The following DICER1 variants were observed in gnomAD, a reference collection of about 807,000 sequenced individuals.
DICER1 encodes the protein endoribonuclease Dicer.
DICER1 carries 43 observed loss-of-function variants against 194.1 expected under a neutral mutation model. That is an observed-to-expected ratio of 0.22 (90% CI 0.17 to 0.29). The LOEUF (loss-of-function observed/expected upper bound fraction) is 0.29. Among genes scored for constraint, DICER1 ranks in the 10% least tolerant of loss-of-function variants. The pLI is 1.00. For synonymous variants in DICER1, 832 were observed against 820.5 expected, an observed-to-expected ratio of 1.01 and a Z score of -0.24; for missense variants, 1,608 against 2,317.0, an observed-to-expected ratio of 0.69 and a Z score of 6.28.
intron 3 of DICER1, among the ~76,000 whole-genome samples, chr14:95,131,852 C>A (rs1595464025): frequency 6.6e-6 from 1 of 152,156 alleles, no homozygotes; most frequent in Non-Finnish European, 1.5e-5. Flanking sequence ...TTGTCACTCG[C>A]TTCAGAGAAC....
At chr14:95,096,833 G>C in intron 22 of DICER1, 120 bp from the exon 23 acceptor site, 2 of 1,189,162 alleles carry the variant, frequency 1.7e-6, no homozygotes, top group Non-Finnish European at 2.3e-6. Context: ...ATACTAAAAG[G>C]CAACTTTAAA....
chr14:95,114,445 A>G (rs1430422515), intron 11 of DICER1, among the ~76,000 whole-genome samples: 1 of 152,252 alleles, frequency 6.6e-6, no homozygotes, highest in African/African-American at 2.4e-5. Context: ...AAATGATAAT[A>G]TAAGAATGAA....
intron 1 of DICER1, among the ~76,000 whole-genome samples, chr14:95,146,768 AC>A (rs1430194558): frequency 6.6e-6 from 1 of 152,228 alleles, no homozygotes; most frequent in Non-Finnish European, 1.5e-5. Context: ...CACGGGGGTC[AC>A]CAGCCAAAGG....
chr14:95,131,137 C>G (rs1439497638), intron 4 of DICER1, among the ~76,000 whole-genome samples: 1 of 152,122 alleles, frequency 6.6e-6, no homozygotes, highest in Non-Finnish European at 1.5e-5. Flanking sequence ...TCAAGCAATT[C>G]TCCTGTCTCA....
At chr14:95,148,312 T>C (rs1461008217) in intron 1 of DICER1, among the ~76,000 whole-genome samples, 1 of 152,150 alleles carries the variant, frequency 6.6e-6, no homozygotes, top group African/African-American at 2.4e-5. Context: ...AATCATGCCT[T>C]AGTCTTCCCA....
Position 95,091,094 on chromosome 14 carries a change from T to C in DICER1, c.5543A>G (p.Asn1848Ser), listed in dbSNP as rs1889765764. Residue 1848 changes from asparagine to serine, a missense_variant, in exon 26 of 27, where the codon AAT becomes AGT. Physicochemically the swap from Asn to Ser is conservative, Grantham distance 46 (BLOSUM62 1). This residue lies in a region of DICER1 where 138 missense variants were observed against 298.3 expected (regional missense o/e 0.46). Coordinates refer to ENST00000343455, the MANE Select transcript of DICER1 (RefSeq NM_177438.3). ...MRPLIEKFSANVPRSPVRELL... is the reference protein window; with the variant it reads ...MRPLIEKFSASVPRSPVRELL... ...TTCTCGCACAGGGGAACGGGGTACA[T>C]TTGCAGAAAACTTTTCTGCAATCAA... The C allele has an allele frequency of 4.3e-6, 7 of 1,614,166 alleles. No individual in the cohort carries two copies. The highest frequency in any genetic ancestry group is 5.9e-6 in the Non-Finnish European group (7 of 1,180,014).
chr14:95,131,330 T>A (rs942471033), intron 4 of DICER1, among the ~76,000 whole-genome samples, 179 bp downstream of exon 4: 1 of 152,180 alleles, frequency 6.6e-6, no homozygotes, highest in African/African-American at 2.4e-5. Context: ...CGGCCTTTAT[T>A]TGGTTTTAAG....
rs540239286 is a variant in DICER1 at position 95,118,270 on chromosome 14, T to A, written c.1377-516A>T. Reference sequence around the variant, plus strand: ...GTGAGCCCAACACCAAAGGAAACCTTCACCCCCAACAAATGTAACAAGAGT... The same window carrying A: ...GTGAGCCCAACACCAAAGGAAACCTACACCCCCAACAAATGTAACAAGAGT... On this transcript the variant is annotated intron_variant, in intron 8 of 26. Coordinates refer to ENST00000343455, the MANE Select transcript of DICER1 (RefSeq NM_177438.3). Among the ~76,000 whole-genome samples the A allele has an allele frequency of 5.9e-5, 9 of 152,300 alleles. No individual in the cohort carries two copies. The South Asian group carries it at 1.9e-3, about 32-fold the overall frequency.
At chr14:95,092,139 T>C (rs922705615) in intron 24 of DICER1, among the ~76,000 whole-genome samples, 3 of 152,332 alleles carry the variant, frequency 2.0e-5, no homozygotes, top group East Asian at 1.9e-4. Flanking sequence ...CAGCCACGTG[T>C]TGACTAGCGT....
rs1450519507 is a variant in DICER1, at chr14:95,091,222, G to A, written c.5508C>T (p.Pro1836=). 6.2e-7 allele frequency: 1 copy of A among 1,614,056 alleles called. No homozygotes were observed. Among genetic ancestry groups the A allele is most frequent in the Admixed American group, 1.7e-5 (1 of 59,998 alleles). Residue 1836 remains proline, a synonymous_variant, in exon 25 of 27, where the codon CCC becomes CCT. Transcript: ENST00000343455. ...CAATACCTATTAGTGGCCGCATCAT[G>A]GGATAGTACACCTGCCAGACTGTCT... ...SLETVWQVYY[P]MMRPLIEKFS...
chr14:95,136,485 C>T (rs1404504794), intron 1 of DICER1: 1 of 152,182 alleles, frequency 6.6e-6, no homozygotes, highest in Non-Finnish European at 1.5e-5. Flanking sequence ...GCTGGGACCA[C>T]AGGTGTGCAT....
At chr14:95,137,921 C>G (rs1455764535) in intron 1 of DICER1, 1 of 154,652 alleles carries the variant, frequency 6.5e-6, no homozygotes, top group East Asian at 1.9e-4. Flanking sequence ...AGATCGTTTC[C>G]CTGGCCTGCC....
chr14:95,131,512 G>C lies in DICER1; in HGVS notation c.435C>G (p.His145Gln), dbSNP rs1473045432. 2.5e-6 allele frequency: 4 copies of C among 1,613,432 alleles called. No individual in the cohort carries two copies. Among genetic ancestry groups the C allele is most frequent in the Non-Finnish European group, 2.5e-6 (3 of 1,179,450 alleles). Residue 145 changes from histidine to glutamine, a missense_variant, in exon 4 of 27, where the codon CAC (histidine) becomes CAG (glutamine). Physicochemically the swap from His to Gln is conservative, Grantham distance 24. Around this residue, in one of 10 missense-constraint regions of DICER1, gnomAD observed 657 missense variants for 910.1 expected, o/e 0.72. Transcript: ENST00000343455. ...KERWNQEFTKHQVLIMTCYVA... is the reference protein window; with the variant it reads ...KERWNQEFTKQQVLIMTCYVA... ...GAAATTTCTCTACAAGTCTTACCTG[G>C]TGCTTAGTAAACTCTTGGTTCCATC...
intron 21 of DICER1, among the ~76,000 whole-genome samples, chr14:95,101,861 T>C (rs1398654591): frequency 2.0e-5 from 3 of 152,156 alleles, no homozygotes; most frequent in Admixed American, 6.5e-5. Context: ...TGGGAAATGC[T>C]TGGTGTGCTG....
At chr14:95,149,973 AATG>A (rs1895406658) in intron 1 of DICER1, among the ~76,000 whole-genome samples, 1 of 152,224 alleles carries the variant, frequency 6.6e-6, no homozygotes, top group Non-Finnish European at 1.5e-5. Flanking sequence ...CAGTTAGTGC[AATG>A]ATAATTTTGG....
intron 1 of DICER1, among the ~76,000 whole-genome samples, chr14:95,142,464 T>G (rs544228013): frequency 1.3e-5 from 2 of 152,324 alleles, no homozygotes; most frequent in East Asian, 3.9e-4. Context: ...CCTCTAGAGA[T>G]GATTTCCAAT....
At chr14:95,106,319 G>T in intron 17 of DICER1, 96 bp from the exon 18 acceptor site, 1 of 907,492 alleles carries the variant, frequency 1.1e-6, no homozygotes, top group Non-Finnish European at 1.7e-6. Flanking sequence ...TGATGATTAA[G>T]AATTCAAAAG....
At chr14:95,123,933 A>C (rs1369086863) in intron 8 of DICER1, among the ~76,000 whole-genome samples, 1 of 152,212 alleles carries the variant, frequency 6.6e-6, no homozygotes, top group Non-Finnish European at 1.5e-5. Context: ...TTTTTTTAAA[A>C]ACCATACTTG....
chr14:95,116,173 A>G (rs1892448071), intron 10 of DICER1, among the ~76,000 whole-genome samples: 1 of 152,200 alleles, frequency 6.6e-6, no homozygotes, highest in South Asian at 2.1e-4. Context: ...GTTACTGTCC[A>G]TATTTGCAAT....
Sources: allele counts gnomAD v4.1 joint callset (sites outside exome capture counted in the v4.1 genomes callset), GRCh38; gene constraint gnomAD v4.1.1; regional missense constraint gnomAD v4.1.1; transcripts MANE v1.5; gene names NCBI Gene and HGNC (gene_info 2026-07-23, HGNC 2026-07-21).